The following SOS1 variants were observed in gnomAD, a reference collection of about 807,000 sequenced individuals.
SOS1 encodes the protein son of sevenless homolog 1.
SOS1 carries 25 observed loss-of-function variants against 157.6 expected under a neutral mutation model. That is an observed-to-expected ratio of 0.16 (90% CI 0.12 to 0.22). The LOEUF is 0.22. Ranked by LOEUF, SOS1 falls within the 10% of genes least tolerant of loss-of-function variation. SOS1 has a pLI of 1.00. For missense variants in SOS1, 1,237 were observed against 1,599.1 expected, an observed-to-expected ratio of 0.77 and a Z score of 3.86; for synonymous variants, 528 against 534.0, an observed-to-expected ratio of 0.99 and a Z score of 0.16.
chr2:39,102,050 G>T (rs1265978639), intron 1 of SOS1, among the ~76,000 whole-genome samples: 4 of 150,678 alleles, frequency 2.7e-5, no homozygotes, highest in African/African-American at 9.8e-5. Flanking sequence ...TACTAAAAAT[G>T]CAAAAATTAG....
rs1164821232 is a variant in SOS1 at position 39,046,544 on chromosome 2, G to T, written c.864+4600C>A. 2.9e-5 allele frequency among the ~76,000 whole-genome samples: 4 copies of T among 139,048 alleles called. No homozygotes were observed. The South Asian group carries it at 6.8e-4, about 24-fold the overall frequency. The allele number at this position is 139,048 out of a possible 152,430, so 91.2% of individuals were successfully genotyped here. On this transcript the variant is annotated intron_variant, in intron 6 of 22. Coordinates refer to ENST00000402219, the MANE Select transcript of SOS1 (RefSeq NM_005633.4). The stretch of plus-strand genomic sequence containing the variant: ...TTTTGAGACGGAGTCTCGCTCTGTC[G>T]CCCAGGCTGGAGTGCAGTGGCGGGA...
intron 3 of SOS1, among the ~76,000 whole-genome samples, chr2:39,058,404 C>G (rs1255369684): frequency 9.1e-5 from 2 of 21,896 alleles, no homozygotes; most frequent in African/African-American, 4.3e-4. Flanking sequence ...CTAATTACAT[C>G]TGAGATAAAC....
intron 2 of SOS1, among the ~76,000 whole-genome samples, chr2:39,063,848 T>C (rs1671495872): frequency 6.6e-6 from 1 of 152,150 alleles, no homozygotes; most frequent in Non-Finnish European, 1.5e-5. Context: ...AACTTCTTTT[T>C]TCTTCCTTTT....
intron 3 of SOS1, among the ~76,000 whole-genome samples, chr2:39,057,217 G>A (rs1485954465): frequency 6.6e-6 from 1 of 152,032 alleles, no homozygotes; most frequent in Non-Finnish European, 1.5e-5. Flanking sequence ...TAACAAACAA[G>A]TTTTTTCTTT....
chr2:39,080,301 C>A (rs1672158689), intron 1 of SOS1, among the ~76,000 whole-genome samples: 1 of 152,022 alleles, frequency 6.6e-6, no homozygotes, highest in African/African-American at 2.4e-5. Flanking sequence ...GATGCCTCCA[C>A]TGATCTGAAA....
intron 1 of SOS1, among the ~76,000 whole-genome samples, chr2:39,116,900 C>G (rs146769417): frequency 1.3e-5 from 2 of 152,198 alleles, no homozygotes; most frequent in East Asian, 3.9e-4. Context: ...CTTCTAATTA[C>G]CCAAGAAAAA....
At chr2:38,991,829 C>T (rs1277203822) in intron 20 of SOS1, among the ~76,000 whole-genome samples, 8 of 151,084 alleles carry the variant, frequency 5.3e-5, no homozygotes, top group Admixed American at 2.0e-4. Flanking sequence ...CCAGTGAAGA[C>T]GTGTAAGTGT....
At chr2:39,115,892 T>C (rs1027998849) in intron 1 of SOS1, among the ~76,000 whole-genome samples, 3 of 152,218 alleles carry the variant, frequency 2.0e-5, no homozygotes, top group Non-Finnish European at 2.9e-5. Context: ...AAGCTTCATC[T>C]ATATTTATGG....
At chr2:39,014,744 A>G (rs539440280) in intron 11 of SOS1, 21 bp downstream of exon 11, 262 of 1,295,138 alleles carry the variant, frequency 2.0e-4, no homozygotes, top group Non-Finnish European at 2.8e-4. Context: ...ATGAATTTAA[A>G]TATTTTTTAA....
rs377303107 is a variant in SOS1 at position 38,981,559 on chromosome 2, T to C, written c.*4265A>G. 2.6e-5 allele frequency: 4 copies of C among 152,176 alleles called. No individual in the cohort carries two copies. In the East Asian group the frequency reaches 5.8e-4, roughly 22 times the overall value. The allele number at this position is 152,176 out of a possible 1,614,324, so 9.4% of individuals were successfully genotyped here. A position where few individuals can be genotyped will look rare whatever the true frequency, so the allele number is the denominator to read the frequency against. ...GCAAAAATAATACACTTGTGGGCTA[T>C]GTAAGGCATTTTTCTTTATTATTTT... On this transcript the variant is annotated 3_prime_UTR_variant, in exon 23 of 23. Coordinates refer to ENST00000402219, the MANE Select transcript of SOS1 (RefSeq NM_005633.4).
intron 1 of SOS1, among the ~76,000 whole-genome samples, chr2:39,117,370 G>C (rs1673692812): frequency 6.6e-6 from 1 of 152,072 alleles, no homozygotes; most frequent in Non-Finnish European, 1.5e-5. Flanking sequence ...GCAATACCTG[G>C]TCTATAGTAG....
chr2:39,000,377 G>T (rs542671625), intron 17 of SOS1, among the ~76,000 whole-genome samples: 1 of 151,858 alleles, frequency 6.6e-6, no homozygotes, highest in South Asian at 2.1e-4. Context: ...GTATATGTGT[G>T]TATGTATAAC....
chr2:39,084,256 T>C (rs1038959053), intron 1 of SOS1, among the ~76,000 whole-genome samples: 1 of 152,118 alleles, frequency 6.6e-6, no homozygotes, highest in East Asian at 1.9e-4. Context: ...AAAGAACATA[T>C]TAGAGCTATT....
At chr2:39,077,672 A>G (rs1489871611) in intron 1 of SOS1, among the ~76,000 whole-genome samples, 1 of 152,248 alleles carries the variant, frequency 6.6e-6, no homozygotes, top group Non-Finnish European at 1.5e-5. Context: ...GCTTGTATAC[A>G]GATCTTGTAT....
At position 38,986,202 on chromosome 2, in the gene SOS1, A is replaced by G. The variant is rs763107563; in HGVS notation, c.3624T>C (p.Pro1208=). ...ISDRTSISDP[P]ESPPLLPPRE... is the part of the protein sequence containing the mutation. Reference sequence around the variant, plus strand: ...GTGGTGGTAATAAGGGAGGGCTTTCAGGAGGGTCTGAGATAGAGGTCCGGT... The same window carrying G: ...GTGGTGGTAATAAGGGAGGGCTTTCGGGAGGGTCTGAGATAGAGGTCCGGT... The change falls in exon 23 of 23, where the codon CCT becomes CCC. Residue 1208 remains proline (P), a synonymous_variant. Coordinates refer to ENST00000402219, the MANE Select transcript of SOS1 (RefSeq NM_005633.4). 6.2e-7 allele frequency: 1 copy of G among 1,613,972 alleles called. No individual in the cohort carries two copies.
chr2:39,120,263 G>A, intron 1 of SOS1, 73 bp downstream of exon 1: 1 of 1,347,418 alleles, frequency 7.4e-7, no homozygotes, highest in Non-Finnish European at 9.8e-7. Flanking sequence ...CGCGCGCCCC[G>A]CCTCCCCAGC....
At chr2:39,122,475 T>C (rs909817826), upstream of SOS1, among the ~76,000 whole-genome samples, 270 of 87,876 alleles carry the variant, frequency 3.1e-3, no homozygotes, top group African/African-American at 0.015. Flanking sequence ...CACACACACA[T>C]ACACACAGAC....
rs1405399349 is a variant in SOS1 at position 38,983,252 on chromosome 2, T to G, written c.*2572A>C. On this transcript the variant is annotated 3_prime_UTR_variant, in exon 23 of 23. Transcript: ENST00000402219. ...TTCTGGTCCCTGATTAAATAGATTT[T>G]CATTACTACAAGGATAAATTTGTCA... The G allele has an allele frequency of 1.3e-5, 2 of 152,264 alleles. No individual in the cohort carries two copies. The highest frequency in any genetic ancestry group is 3.9e-4 in the East Asian group (2 of 5,186). The allele number at this position is 152,264 out of a possible 1,614,324, so 9.4% of individuals were successfully genotyped here.
At chr2:39,018,548 C>T (rs1201502401) in intron 10 of SOS1, among the ~76,000 whole-genome samples, 4 of 151,742 alleles carry the variant, frequency 2.6e-5, no homozygotes, top group Non-Finnish European at 5.9e-5. Flanking sequence ...TATTTTACTG[C>T]ACAATACTTC....
Sources: allele counts gnomAD v4.1 joint callset (sites outside exome capture counted in the v4.1 genomes callset), GRCh38; gene constraint gnomAD v4.1.1; transcripts MANE v1.5; gene names NCBI Gene and HGNC (gene_info 2026-07-23, HGNC 2026-07-21).